Variants in MED29 observed in about 807,000 individuals in gnomAD.
MED29 encodes mediator complex subunit 29, also known as mediator of RNA polymerase II transcription subunit 29.
A neutral mutation model predicts 22.0 loss-of-function variants in MED29; 14 were observed. The ratio of observed to expected loss-of-function variants is 0.64; its 90% CI spans 0.42 to 0.99. The LOEUF (loss-of-function observed/expected upper bound fraction) is 0.99. MED29 is among the 50% of genes least tolerant of loss of function. The probability of loss-of-function intolerance (pLI) is 0.00; values close to 1 mark genes in which losing one functional copy is unlikely to be tolerated. For synonymous variants in MED29, 123 were observed against 107.8 expected, an observed-to-expected ratio of 1.14 and a Z score of -0.87; for missense variants, 241 against 253.7, an observed-to-expected ratio of 0.95 and a Z score of 0.34.
chr19:39,395,888 G>T (rs1362092810), intron 3 of MED29, among the ~76,000 whole-genome samples: 1 of 151,890 alleles, frequency 6.6e-6, no homozygotes, highest in African/African-American at 2.4e-5. Flanking sequence ...CTGCACTCCA[G>T]CCTGGGTGAC....
chr19:39,397,123 G>A (rs754451482), intron 3 of MED29, among the ~76,000 whole-genome samples: 22 of 152,260 alleles, frequency 1.4e-4, no homozygotes, highest in Non-Finnish European at 3.1e-4. Flanking sequence ...CTGGAGCCAG[G>A]GCAGTAACAA....
chr19:39,394,956 G>A (rs933282606), intron 3 of MED29, among the ~76,000 whole-genome samples: 8 of 136,050 alleles, frequency 5.9e-5, no homozygotes, highest in African/African-American at 2.1e-4. Flanking sequence ...TACTTCCTGG[G>A]CTGAAGTGAT....
At chr19:39,396,393 C>T (rs1243599876) in intron 3 of MED29, among the ~76,000 whole-genome samples, 5 of 151,988 alleles carry the variant, frequency 3.3e-5, no homozygotes, top group South Asian at 2.1e-4. Flanking sequence ...CAAGATGGCG[C>T]CACTGCACTC....
chr19:39,395,260 A>T (rs1275721157), intron 3 of MED29, among the ~76,000 whole-genome samples: 2 of 152,226 alleles, frequency 1.3e-5, no homozygotes, highest in Admixed American at 1.3e-4. Context: ...ACATCAAGTA[A>T]TTCATTCTGG....
In MED29 at chr19:39,397,673, C is replaced by G; in HGVS notation, c.577C>G (p.Pro193Ala). The G allele has an allele frequency of 1.2e-6, 2 of 1,611,028 alleles. No individual in the cohort carries two copies. Among genetic ancestry groups the G allele is most frequent in the Non-Finnish European group, 1.7e-6 (2 of 1,179,834 alleles). Residue 193 changes from proline to alanine, a missense_variant, in exon 4 of 4, where the codon CCT becomes GCT. Coordinates refer to ENST00000315588, the MANE Select transcript of MED29 (RefSeq NM_017592.4). ...GGTCACGGGCAAGACACCCGCACCA[C>G]CTGCTGGCCCTGGGGGCACTCTGTG... ...NKVTGKTPAP[P>A]AGPGGTL is the part of the protein sequence containing the mutation.
In MED29 at chr19:39,400,104, C is replaced by T. The variant is rs1393485022; in HGVS notation, c.*2405C>T. On this transcript the variant is annotated 3_prime_UTR_variant, in exon 4 of 4. Transcript: ENST00000315588. Reference sequence around the variant, plus strand: ...CAGAAGTGGAGATGTTGGGGCCAGGCACAGTGGCCCAGGCCTGTAATCCCA... The same window carrying T: ...CAGAAGTGGAGATGTTGGGGCCAGGTACAGTGGCCCAGGCCTGTAATCCCA... The T allele has an allele frequency of 6.6e-6, 1 of 152,224 alleles. No homozygotes were observed. Among genetic ancestry groups the T allele is most frequent in the Admixed American group, 6.5e-5 (1 of 15,286 alleles). 9.4% of individuals were successfully genotyped at this position (152,224 alleles called of 1,614,324 possible). A position where few individuals can be genotyped will look rare whatever the true frequency, so the allele number is the denominator to read the frequency against.
intron 3 of MED29, 112 bp from the exon 4 acceptor site, chr19:39,397,345 C>G: frequency 8.1e-7 from 1 of 1,227,732 alleles, no homozygotes. Flanking sequence ...ACCTCTGACT[C>G]TAAGACCTGG....
intron 3 of MED29, among the ~76,000 whole-genome samples, chr19:39,396,733 A>G (rs1291492550): frequency 6.6e-6 from 1 of 150,814 alleles, no homozygotes; most frequent in African/African-American, 2.4e-5. Context: ...CTCAAAAGAA[A>G]AAAAAAAAAG....
intron 3 of MED29, among the ~76,000 whole-genome samples, chr19:39,394,365 G>A (rs1217823853): frequency 1.3e-5 from 2 of 152,156 alleles, no homozygotes; most frequent in African/African-American, 2.4e-5. Context: ...AGTTTCAAGC[G>A]ATTCTGGTGC....
chr19:39,396,212 G>A (rs560118279), intron 3 of MED29, among the ~76,000 whole-genome samples: 20 of 152,176 alleles, frequency 1.3e-4, no homozygotes, highest in African/African-American at 4.1e-4. Context: ...AGCCTGAGGC[G>A]GGCAGATCAC....
Position 39,397,976 on chromosome 19 carries a change from GTGTGGAGCCCTGGC to G in MED29, c.*281_*294del. The stretch of plus-strand genomic sequence containing the variant: ...CAGGCCCTCCCCCATTCTTGCCTGG[GTGTGGAGCCCTGGC>G]TGTCCCCTCTCCCTCAGTCCTTCCT... On this transcript the variant is annotated 3_prime_UTR_variant, in exon 4 of 4. Coordinates refer to ENST00000315588, the MANE Select transcript of MED29 (RefSeq NM_017592.4). 1 of 565,256 alleles carries G rather than the reference GTGTGGAGCCCTGGC, an allele frequency of 1.8e-6. No individual in the cohort carries two copies. The highest frequency in any genetic ancestry group is 3.1e-6 in the Non-Finnish European group (1 of 321,360). 35.0% of individuals were successfully genotyped at this position (565,256 alleles called of 1,614,324 possible).
chr19:39,396,554 CGT>C (rs2078429565), intron 3 of MED29, among the ~76,000 whole-genome samples: 1 of 147,306 alleles, frequency 6.8e-6, no homozygotes, highest in African/African-American at 2.5e-5. Context: ...GGTGAAATCC[CGT>C]CTCTACTAAA....
At chr19:39,393,739 T>G in intron 3 of MED29, 102 bp downstream of exon 3, 2 of 960,802 alleles carry the variant, frequency 2.1e-6, no homozygotes, top group Non-Finnish European at 3.4e-6. Context: ...GGGGACCTCC[T>G]GTGGGCCAGA....
rs1413773340 is a variant in MED29, at chr19:39,398,551, G to T, written c.*852G>T. On this transcript the variant is annotated 3_prime_UTR_variant, in exon 4 of 4. Coordinates refer to ENST00000315588, the MANE Select transcript of MED29 (RefSeq NM_017592.4). ...GAGAAGTGAAAAGGCCCCAGCCGGG[G>T]TGAATCATCAGTCCTGGGGAAGAAC... The T allele has an allele frequency of 2.0e-5, 3 of 152,692 alleles. No homozygotes were observed. The highest frequency in any genetic ancestry group is 4.4e-5 in the Non-Finnish European group (3 of 68,062). The allele number at this position is 152,692 out of a possible 1,614,324, so 9.5% of individuals were successfully genotyped here. A position where few individuals can be genotyped will look rare whatever the true frequency, so the allele number is the denominator to read the frequency against.
At position 39,393,575 on chromosome 19, in the gene MED29, C is replaced by G. The variant is rs1423250595; in HGVS notation, c.298C>G (p.Gln100Glu). The change falls in exon 3 of 4, where the codon CAG becomes GAG. Residue 100 changes from glutamine to glutamate, a missense_variant. Gln to Glu is a conservative substitution (Grantham distance 29). Coordinates refer to ENST00000315588, the MANE Select transcript of MED29 (RefSeq NM_017592.4). ...NGQKSSDGPI[Q>E]RFDKCLEEFY... is the part of the protein sequence containing the mutation. ...TAGAAAGAGCAGTGATGGACCCATA[C>G]AGCGCTTTGACAAGTGCCTGGAAGA... 2.5e-6 allele frequency: 4 copies of G among 1,614,026 alleles called. No individual in the cohort carries two copies. Among genetic ancestry groups the G allele is most frequent in the African/African-American group, 1.3e-5 (1 of 74,934 alleles).
intron 3 of MED29, among the ~76,000 whole-genome samples, chr19:39,395,364 GACCTATCTGCTTTTTAGGAATAT>G (rs2078422648): frequency 6.6e-6 from 1 of 152,190 alleles, no homozygotes; most frequent in African/African-American, 2.4e-5. Flanking sequence ...GAAGAATATG[GACCTATCTGCTTTTTAGGAATAT>G]ACCTCTGGCT....
intron 3 of MED29, among the ~76,000 whole-genome samples, chr19:39,396,738 A>T (rs2078430473): frequency 6.7e-6 from 1 of 150,374 alleles, no homozygotes. Flanking sequence ...AAGAAAAAAA[A>T]AAAAGCCTGG....
chr19:39,393,476 A>G, intron 2 of MED29, 77 bp from the exon 3 acceptor site: 1 of 1,322,966 alleles, frequency 7.6e-7, no homozygotes, highest in Non-Finnish European at 1.1e-6. Context: ...TTCCTGATGG[A>G]CACTTGGTTG....
intron 3 of MED29, among the ~76,000 whole-genome samples, chr19:39,396,967 G>T (rs1365771065): frequency 6.6e-6 from 1 of 151,890 alleles, no homozygotes; most frequent in Non-Finnish European, 1.5e-5. Flanking sequence ...GGCGGAGGTT[G>T]CAGTGAGCTG....
Sources: gnomAD v4.1 joint callset for allele counts (sites outside exome capture counted in the v4.1 genomes callset) on GRCh38, gnomAD v4.1.1 for gene constraint, MANE v1.5 for transcripts, NCBI Gene and HGNC (gene_info 2026-07-23, HGNC 2026-07-21) for gene names.